ATP10D: variants seen among roughly 807,000 people sequenced by gnomAD.
ATP10D encodes the protein phospholipid-transporting ATPase VD.
ATP10D carries 89 observed loss-of-function variants against 144.8 expected under a neutral mutation model. The observed-to-expected ratio is 0.61, with a 90% CI of 0.52 to 0.73. ATP10D has a LOEUF of 0.73. ATP10D is among the 30% of genes least tolerant of loss of function. The pLI, the probability that ATP10D is intolerant of heterozygous loss-of-function variation, is 0.00. For missense variants in ATP10D, 1,603 were observed against 1,714.8 expected, an observed-to-expected ratio of 0.93 and a Z score of 1.15; for synonymous variants, 571 against 615.1, an observed-to-expected ratio of 0.93 and a Z score of 1.06.
At chr4:47,532,654 T>G (rs1403006476) in intron 5 of ATP10D, among the ~76,000 whole-genome samples, 1 of 152,210 alleles carries the variant, frequency 6.6e-6, no homozygotes, top group African/African-American at 2.4e-5. Flanking sequence ...TTTCAAAAAT[T>G]AAGCACAAAT....
At chr4:47,486,893 T>C (rs1005188565) in intron 1 of ATP10D, among the ~76,000 whole-genome samples, 8 of 152,170 alleles carry the variant, frequency 5.3e-5, no homozygotes, top group African/African-American at 1.9e-4. Context: ...TGTTTGACCC[T>C]GGCTTAGCAA....
chr4:47,493,698 G>A (rs913294322), intron 1 of ATP10D, among the ~76,000 whole-genome samples: 9 of 152,194 alleles, frequency 5.9e-5, no homozygotes, highest in African/African-American at 2.2e-4. Context: ...GGCCCCCAGA[G>A]TAGGCCCCAT....
intron 14 of ATP10D, among the ~76,000 whole-genome samples, 196 bp from the exon 15 acceptor site, chr4:47,563,385 G>T (rs1050654126): frequency 2.0e-5 from 3 of 152,082 alleles, no homozygotes; most frequent in African/African-American, 7.2e-5. Flanking sequence ...GATCCCTGAG[G>T]CTTCCTTCCC....
chr4:47,536,392 G>T, intron 7 of ATP10D, 45 bp from the exon 8 acceptor site: 1 of 1,597,654 alleles, frequency 6.3e-7, no homozygotes. Context: ...TTGTTTGCAT[G>T]CCATATATTT....
intron 16 of ATP10D, among the ~76,000 whole-genome samples, chr4:47,570,850 A>C (rs1719912626): frequency 6.6e-6 from 1 of 152,104 alleles, no homozygotes; most frequent in Non-Finnish European, 1.5e-5. Flanking sequence ...AGTCTAGTGG[A>C]TATCAAAGCC....
intron 20 of ATP10D, among the ~76,000 whole-genome samples, chr4:47,581,554 G>C (rs936181854): frequency 2.0e-5 from 3 of 152,172 alleles, no homozygotes; most frequent in African/African-American, 4.8e-5. Flanking sequence ...TGAGAAAATT[G>C]TGTCATTAGA....
At chr4:47,493,809 C>T (rs554032609) in intron 1 of ATP10D, among the ~76,000 whole-genome samples, 2 of 151,888 alleles carry the variant, frequency 1.3e-5, no homozygotes, top group Non-Finnish European at 2.9e-5. Context: ...GGGGAGGGGG[C>T]GGCAGGGAGG....
intron 5 of ATP10D, among the ~76,000 whole-genome samples, chr4:47,528,503 GTGTGTGTGTGTATA>G (rs1312894551): frequency 0.026 from 747 of 28,436 alleles, 5 homozygotes; most frequent in African/African-American, 0.083. Context: ...GTGTGTGTGT[GTGTGTGTGTGTATA>G]TATATATATA....
chr4:47,578,629 C>T (rs924381761), intron 19 of ATP10D, among the ~76,000 whole-genome samples: 2 of 152,130 alleles, frequency 1.3e-5, no homozygotes, highest in Admixed American at 1.3e-4. Flanking sequence ...TTAACTTATC[C>T]CTAAGTGGTT....
At chr4:47,561,836 A>G (rs1467393135) in intron 14 of ATP10D, among the ~76,000 whole-genome samples, 1 of 152,188 alleles carries the variant, frequency 6.6e-6, no homozygotes, top group Admixed American at 6.5e-5. Context: ...GTCAAGTTTG[A>G]GAACCACTGT....
At chr4:47,549,486 G>A (rs962507544) in intron 10 of ATP10D, among the ~76,000 whole-genome samples, 1 of 152,200 alleles carries the variant, frequency 6.6e-6, no homozygotes, top group African/African-American at 2.4e-5. Flanking sequence ...ACCTTCAGGG[G>A]TGCCTGGCAC....
At chr4:47,506,529 G>A (rs1020473839) in intron 1 of ATP10D, among the ~76,000 whole-genome samples, 42 of 152,236 alleles carry the variant, frequency 2.8e-4, no homozygotes, top group African/African-American at 8.9e-4. Flanking sequence ...CTAGCATCAT[G>A]CAGGCCTGCT....
intron 22 of ATP10D, among the ~76,000 whole-genome samples, chr4:47,590,113 T>A (rs1720961933): frequency 6.6e-6 from 1 of 152,124 alleles, no homozygotes; most frequent in South Asian, 2.1e-4. Flanking sequence ...AGTGGATCTT[T>A]CAAATACTGG....
intron 20 of ATP10D, among the ~76,000 whole-genome samples, 198 bp downstream of exon 20, chr4:47,580,676 C>A (rs899209843): frequency 1.3e-5 from 2 of 152,070 alleles, no homozygotes; most frequent in African/African-American, 4.8e-5. Context: ...AGTTTGAGTC[C>A]TCTTAGGCCT....
At chr4:47,555,240 G>A (rs920287510) in intron 11 of ATP10D, among the ~76,000 whole-genome samples, 4 of 152,158 alleles carry the variant, frequency 2.6e-5, no homozygotes, top group Admixed American at 2.0e-4. Flanking sequence ...ATAGGAACGC[G>A]AACCCTATTA....
chr4:47,522,947 A>T (rs1717025260), intron 3 of ATP10D, 65 bp from the exon 4 acceptor site: 35 of 1,346,826 alleles, frequency 2.6e-5, no homozygotes, highest in Non-Finnish European at 3.1e-5. Context: ...AATTTTTTAA[A>T]AAAAACATTG....
intron 9 of ATP10D, among the ~76,000 whole-genome samples, chr4:47,542,431 T>C (rs1467040844): frequency 6.6e-6 from 1 of 151,800 alleles, no homozygotes; most frequent in Non-Finnish European, 1.5e-5. Context: ...TCACTGAGCC[T>C]GGAATTATAG....
At chr4:47,586,332 A>G (rs185219484) in intron 21 of ATP10D, among the ~76,000 whole-genome samples, 1 of 152,376 alleles carries the variant, frequency 6.6e-6, no homozygotes, top group African/African-American at 2.4e-5. Flanking sequence ...ATGACACGCA[A>G]ACATTTATTT....
chr4:47,549,161 G>A (rs937315723), intron 10 of ATP10D, among the ~76,000 whole-genome samples: 2 of 152,216 alleles, frequency 1.3e-5, no homozygotes, highest in Non-Finnish European at 2.9e-5. Context: ...AAGCCAGTAT[G>A]TTTATGCATC....
Sources: gnomAD v4.1 joint callset for allele counts (sites outside exome capture counted in the v4.1 genomes callset) on GRCh38, gnomAD v4.1.1 for gene constraint, MANE v1.5 for transcripts, NCBI Gene and HGNC (gene_info 2026-07-23, HGNC 2026-07-21) for gene names.